The following CARMIL1 variants were observed in gnomAD, a reference collection of about 807,000 sequenced individuals.
CARMIL1 encodes capping protein regulator and myosin 1 linker 1.
A neutral mutation model predicts 177.1 loss-of-function variants in CARMIL1; 90 were observed. That is an observed-to-expected ratio of 0.51 (90% CI 0.43 to 0.61). The LOEUF (loss-of-function observed/expected upper bound fraction) is 0.61, where lower values mean the gene tolerates loss of function less well. Among genes scored for constraint, CARMIL1 ranks in the 20% least tolerant of loss-of-function variants. CARMIL1 has a pLI of 0.00. For missense variants in CARMIL1, 1,380 were observed against 1,667.0 expected (o/e 0.83, Z 3.00); for synonymous variants, 577 against 606.2 (o/e 0.95, Z 0.71).
intron 2 of CARMIL1, among the ~76,000 whole-genome samples, chr6:25,309,226 C>T (rs1165764203): frequency 1.3e-5 from 2 of 151,916 alleles, no homozygotes; most frequent in Non-Finnish European, 2.9e-5. Context: ...GTAATTCAGG[C>T]TGGGTGTGGT....
intron 2 of CARMIL1, among the ~76,000 whole-genome samples, chr6:25,400,814 A>G (rs931057251): frequency 1.3e-5 from 2 of 152,132 alleles, no homozygotes; most frequent in African/African-American, 4.8e-5. Flanking sequence ...TGTTCCTAGA[A>G]TCTTCAGTGT....
At chr6:25,469,532 T>G (rs1045811488) in intron 9 of CARMIL1, among the ~76,000 whole-genome samples, 2 of 150,956 alleles carry the variant, frequency 1.3e-5, no homozygotes, top group African/African-American at 4.9e-5. Context: ...TAAAATCACT[T>G]TGTGTGTGTG....
chr6:25,420,159 A>G lies in CARMIL1; in HGVS notation c.184A>G (p.Thr62Ala), dbSNP rs1795720957. 1 of 1,613,398 alleles carries G rather than the reference A, an allele frequency of 6.2e-7. No individual in the cohort carries two copies. The highest frequency in any genetic ancestry group is 2.2e-5 in the East Asian group (1 of 44,864). ...CTTCCTTGTAACAGCGCGAATCCCC[A>G]CCAAGGTAAGTGTTGATGAAGTCCT... ...RAFLVTARIPTKLELTFSYLE... is the reference protein window; with the variant it reads ...RAFLVTARIPAKLELTFSYLE... The change falls in exon 3 of 37, where the codon ACC becomes GCC. Residue 62 changes from threonine to alanine, a missense_variant. Transcript: ENST00000329474.
At chr6:25,351,868 A>G (rs1788137919) in intron 2 of CARMIL1, among the ~76,000 whole-genome samples, 1 of 152,182 alleles carries the variant, frequency 6.6e-6, no homozygotes, top group South Asian at 2.1e-4. Flanking sequence ...ATGAAAAAAA[A>G]AATCTTATTC....
At chr6:25,480,513 C>T (rs1369963144) in intron 11 of CARMIL1, among the ~76,000 whole-genome samples, 2 of 151,214 alleles carry the variant, frequency 1.3e-5, no homozygotes, top group African/African-American at 2.4e-5. Flanking sequence ...TTCGCTTTTA[C>T]GTTCACTTCT....
chr6:25,326,825 A>ACT lies in CARMIL1; in HGVS notation c.138+41916_138+41917insCT, dbSNP rs1785149177. The stretch of plus-strand genomic sequence containing the variant: ...AGGAGAAATCAGAAATATTATTATT[A>ACT]TTATTAATGTTTCAAGACGGAATCC... On this transcript the variant is annotated intron_variant, in intron 2 of 36. Coordinates refer to ENST00000329474, the MANE Select transcript of CARMIL1 (RefSeq NM_017640.6). This position sits in a 1 kb window ranked among gnomAD's most constrained non-coding sequence, Gnocchi z 4.2. Among the ~76,000 whole-genome samples the ACT allele has an allele frequency of 6.6e-6, 1 of 152,032 alleles. No homozygotes were observed. Among genetic ancestry groups the ACT allele is most frequent in the Admixed American group, 6.6e-5 (1 of 15,258 alleles).
chr6:25,392,053 CATGTGTGTGTGTGTGTGTGTGT>C (rs1562076729), intron 2 of CARMIL1, among the ~76,000 whole-genome samples: 5,426 of 107,618 alleles, frequency 0.05, 117 homozygotes, highest in South Asian at 0.11. Context: ...TGTGTATATG[CATGTGTGTGTGTGTGTGTGTGT>C]GTGTGTGTGT....
intron 2 of CARMIL1, among the ~76,000 whole-genome samples, chr6:25,290,789 C>A (rs1000140290): frequency 6.6e-6 from 1 of 151,254 alleles, no homozygotes; most frequent in Admixed American, 6.6e-5. Context: ...TGAAATCCAC[C>A]CCCCCGGCCC....
chr6:25,595,715 T>A (rs1814771432), intron 32 of CARMIL1, among the ~76,000 whole-genome samples: 1 of 152,238 alleles, frequency 6.6e-6, no homozygotes, highest in Admixed American at 6.5e-5. Flanking sequence ...GTTTGATTTT[T>A]AATTTTTTTA....
chr6:25,600,571 T>G lies in CARMIL1; in HGVS notation c.3377T>G (p.Ile1126Arg). 5 of 1,613,730 alleles carry G rather than the reference T, an allele frequency of 3.1e-6. No homozygotes were observed. Among genetic ancestry groups the G allele is most frequent in the Non-Finnish European group, 4.2e-6 (5 of 1,179,846 alleles). Residue 1126 changes from isoleucine to arginine, a missense_variant, in exon 33 of 37, where the codon ATA becomes AGA. Physicochemically the swap from Ile to Arg is moderately conservative, Grantham distance 97 (BLOSUM62 -3). Transcript: ENST00000329474. ...GGCAATTCTGAACGGATAGAGGAGA[T>G]AAAAACACCTGACTCCTTTGAAGAG... Reference protein sequence around the residue: ...HNGNSERIEEIKTPDSFEESQ... With the variant: ...HNGNSERIEERKTPDSFEESQ...
Position 25,343,054 on chromosome 6 carries a change from T to G in CARMIL1, c.138+58145T>G, listed in dbSNP as rs184281414. 5.7e-3 allele frequency among the ~76,000 whole-genome samples: 864 copies of G among 152,310 alleles called. 8 individuals are homozygous for G. Among genetic ancestry groups the G allele is most frequent in the African/African-American group, 0.02 (816 of 41,554 alleles). On this transcript the variant is annotated intron_variant, in intron 2 of 36. Coordinates refer to ENST00000329474, the MANE Select transcript of CARMIL1 (RefSeq NM_017640.6). ...AGCATTGTTTCTTCTTGTTCTGATGTTTTTTAAGATTGCACTTAGAGAAGA... is the reference window on the plus strand; with the variant it reads ...AGCATTGTTTCTTCTTGTTCTGATGGTTTTTAAGATTGCACTTAGAGAAGA...
intron 8 of CARMIL1, among the ~76,000 whole-genome samples, chr6:25,464,120 C>A (rs909557508): frequency 1.3e-5 from 2 of 152,026 alleles, no homozygotes; most frequent in Non-Finnish European, 2.9e-5. Context: ...CTGCGCCCGG[C>A]CAGTTGTTCT....
rs553359463 is a variant in CARMIL1 at position 25,492,122 on chromosome 6, A to T, written c.1220+98A>T. The T allele has an allele frequency of 1.2e-4, 120 of 1,005,282 alleles. No individual in the cohort carries two copies. The Middle Eastern group carries it at 2.5e-3, about 21-fold the overall frequency. The allele number at this position is 1,005,282 out of a possible 1,614,324, so 62.3% of individuals were successfully genotyped here. On this transcript the variant is annotated intron_variant, in intron 15 of 36. Transcript: ENST00000329474. ...AACAGTGATAAAGGGTGAATGTTGT[A>T]TATGAAAGAAGGCAGCCTTAAGCAT...
chr6:25,418,772 T>A (rs937126035), intron 2 of CARMIL1, among the ~76,000 whole-genome samples: 1 of 152,072 alleles, frequency 6.6e-6, no homozygotes, highest in Non-Finnish European at 1.5e-5. Flanking sequence ...TGATACCAGG[T>A]AAAAATTGAT....
chr6:25,499,000 T>G (rs1053304412), intron 16 of CARMIL1, among the ~76,000 whole-genome samples: 1 of 152,090 alleles, frequency 6.6e-6, no homozygotes, highest in Admixed American at 6.6e-5. Flanking sequence ...CCTAACAAGG[T>G]CAGGGAGTGG....
chr6:25,457,002 T>A (rs1228283685), intron 8 of CARMIL1, among the ~76,000 whole-genome samples: 1 of 151,596 alleles, frequency 6.6e-6, no homozygotes, highest in Non-Finnish European at 1.5e-5. Flanking sequence ...TTTTTTTAAT[T>A]CCTGGTCTCA....
At chr6:25,612,451 A>G (rs1562342711) in intron 36 of CARMIL1, 1 of 152,168 alleles carries the variant, frequency 6.6e-6, no homozygotes, top group South Asian at 2.1e-4. Context: ...TGTGATTTTC[A>G]TTAATCCATC....
In CARMIL1 at chr6:25,488,507, C is replaced by G; in HGVS notation, c.987C>G (p.Leu329=). Residue 329 remains leucine (L), a synonymous_variant, in exon 13 of 37, where the codon CTC becomes CTG. Coordinates refer to ENST00000329474, the MANE Select transcript of CARMIL1 (RefSeq NM_017640.6). ...PKGVNSLSQS[L]SANPLTASTL... ...GGGTGAACAGCCTTTCTCAGTCACT[C>G]AGTGCCAATCCATTGACCGCCTCTA... 7 of 1,613,990 alleles carry G rather than the reference C, an allele frequency of 4.3e-6. No individual in the cohort carries two copies. The highest frequency in any genetic ancestry group is 5.9e-6 in the Non-Finnish European group (7 of 1,179,854).
chr6:25,506,301 C>T (rs556662236), intron 17 of CARMIL1, among the ~76,000 whole-genome samples: 1 of 152,310 alleles, frequency 6.6e-6, no homozygotes, highest in African/African-American at 2.4e-5. Context: ...CATCCCAGCA[C>T]TTTGGGAGGC....
Sources: allele counts gnomAD v4.1 joint callset (sites outside exome capture counted in the v4.1 genomes callset), GRCh38; gene constraint gnomAD v4.1.1; non-coding constraint Gnocchi (gnomAD v3.1); transcripts MANE v1.5; gene names NCBI Gene and HGNC (gene_info 2026-07-23, HGNC 2026-07-21).